The following BNC2 variants were observed in gnomAD, a reference collection of about 807,000 sequenced individuals.
BNC2 encodes basonuclin zinc finger protein 2.
A neutral mutation model predicts 76.3 loss-of-function variants in BNC2; 20 were observed. The ratio of observed to expected loss-of-function variants is 0.26; its 90% confidence interval spans 0.18 to 0.38. BNC2 has a LOEUF of 0.38. BNC2 is among the 10% of genes least tolerant of loss of function. BNC2 has a pLI of 1.00. For missense variants in BNC2, 1,382 were observed against 1,399.8 expected (o/e 0.99, Z 0.20); for synonymous variants, 582 against 514.8 (o/e 1.13, Z -1.77).
intron 3 of BNC2, among the ~76,000 whole-genome samples, chr9:16,623,870 G>C (rs778008675): frequency 2.6e-5 from 4 of 152,168 alleles, no homozygotes; most frequent in Admixed American, 2.0e-4. Context: ...TGTTACCTTA[G>C]AAACTGATGT....
At chr9:16,571,203 G>C (rs1224834527) in intron 4 of BNC2, among the ~76,000 whole-genome samples, 2 of 152,028 alleles carry the variant, frequency 1.3e-5, no homozygotes, top group African/African-American at 2.4e-5. Flanking sequence ...CTTAGTAAAA[G>C]GGCTTCTTAA....
intron 3 of BNC2, among the ~76,000 whole-genome samples, chr9:16,714,964 G>T (rs377583461): frequency 8.5e-5 from 13 of 152,232 alleles, no homozygotes; most frequent in African/African-American, 1.9e-4. Context: ...CTTGAAGCAG[G>T]TATAAAATAT....
intron 3 of BNC2, among the ~76,000 whole-genome samples, chr9:16,595,801 A>C (rs906674700): frequency 1.3e-5 from 2 of 152,172 alleles, no homozygotes; most frequent in African/African-American, 4.8e-5. Context: ...AAATGCTTCA[A>C]CATCACTGAG....
Position 16,493,117 on chromosome 9 carries a change from G to GTT in BNC2, c.670-55594_670-55593insAA, listed in dbSNP as rs376949329. Among the ~76,000 whole-genome samples, 200 of 152,084 alleles carry GTT rather than the reference G, an allele frequency of 1.3e-3. 1 individual carries two copies. Among genetic ancestry groups the GTT allele is most frequent in the African/African-American group, 4.4e-3 (183 of 41,482 alleles). On this transcript the variant is annotated intron_variant, in intron 5 of 6. Coordinates refer to ENST00000380672, the MANE Select transcript of BNC2 (RefSeq NM_017637.6). Reference sequence around the variant, plus strand: ...AATGATTAAGCCACTTTGTTTTCACGTAAGTCCTATTTCGAAGAAATAAAG... The same window carrying GTT: ...AATGATTAAGCCACTTTGTTTTCACGTTTAAGTCCTATTTCGAAGAAATAAAG...
chr9:16,720,992 A>C (rs1298517500), intron 3 of BNC2, among the ~76,000 whole-genome samples: 6 of 152,224 alleles, frequency 3.9e-5, no homozygotes, highest in African/African-American at 1.4e-4. Flanking sequence ...CCTACAGGGA[A>C]CGCACAAATT....
rs149122134 is a variant in BNC2 at position 16,674,586 on chromosome 9, C to T, written c.330+53211G>A. ...GTTTTTACTTGTCTTTGATATCAAA[C>T]TTTTATTTATGGATCTAATCGATGT... On this transcript the variant is annotated intron_variant, in intron 3 of 6. Transcript: ENST00000380672. 3.4e-3 allele frequency among the ~76,000 whole-genome samples: 514 copies of T among 152,248 alleles called. 2 individuals are homozygous for T. The highest frequency in any genetic ancestry group is 0.012 in the African/African-American group (487 of 41,536).
intron 6 of BNC2, among the ~76,000 whole-genome samples, chr9:16,432,196 T>C (rs1304763370): frequency 6.6e-6 from 1 of 152,206 alleles, no homozygotes; most frequent in Admixed American, 6.5e-5. Flanking sequence ...CACACACTCA[T>C]TTACAACTAT....
At position 16,465,559 on chromosome 9, in the gene BNC2, G is replaced by A. The variant is rs184775440; in HGVS notation, c.670-28035C>T. Among the ~76,000 whole-genome samples the A allele has an allele frequency of 4.0e-5, 6 of 151,794 alleles. No homozygotes were observed. In the East Asian group the frequency reaches 1.2e-3, roughly 29 times the overall value. On this transcript the variant is annotated intron_variant, in intron 5 of 6. Coordinates refer to ENST00000380672, the MANE Select transcript of BNC2 (RefSeq NM_017637.6). ...ACACCAGCCATAAAAACAATTATTG[G>A]GTCACAATTGTATACTGGTTGACTA...
At chr9:16,464,953 T>G (rs896093636) in intron 5 of BNC2, among the ~76,000 whole-genome samples, 1 of 152,170 alleles carries the variant, frequency 6.6e-6, no homozygotes, top group African/African-American at 2.4e-5. Context: ...CTATGGCCTT[T>G]CCAATGCTAA....
chr9:16,821,225 C>G (rs1586911045), intron 1 of BNC2, among the ~76,000 whole-genome samples: 2 of 137,112 alleles, frequency 1.5e-5, no homozygotes, highest in South Asian at 4.4e-4. Flanking sequence ...AAGAACAAAA[C>G]TCCGTCTCAA....
intron 5 of BNC2, among the ~76,000 whole-genome samples, chr9:16,545,450 A>C (rs1212257058): frequency 1.3e-5 from 2 of 152,206 alleles, no homozygotes; most frequent in Non-Finnish European, 2.9e-5. Context: ...CCTGTTTTAC[A>C]GGTGAGTGAA....
intron 1 of BNC2, among the ~76,000 whole-genome samples, chr9:16,744,577 GA>G (rs1167201209): frequency 2.0e-5 from 3 of 152,180 alleles, no homozygotes; most frequent in Admixed American, 2.0e-4. Context: ...CCTCCTGCTA[GA>G]TTTACTTTTA....
chr9:16,862,900 G>C (rs998116652), intron 1 of BNC2, among the ~76,000 whole-genome samples: 10 of 135,380 alleles, frequency 7.4e-5, no homozygotes, highest in African/African-American at 2.2e-4. Context: ...TCTATATATA[G>C]CTATATATAG....
intron 6 of BNC2, among the ~76,000 whole-genome samples, chr9:16,430,422 G>T (rs151150583): frequency 9.4e-4 from 143 of 152,308 alleles, no homozygotes; most frequent in African/African-American, 3.2e-3. Context: ...TTGGTGCTAA[G>T]TGGCTCATTT....
At chr9:16,678,264 T>TC (rs1245479800) in intron 3 of BNC2, among the ~76,000 whole-genome samples, 2 of 135,738 alleles carry the variant, frequency 1.5e-5, no homozygotes, top group Admixed American at 7.8e-5. Context: ...TTTCTTTCTT[T>TC]TTCTTTTTTT....
chr9:16,738,806 C>A (rs2135131948), intron 1 of BNC2, among the ~76,000 whole-genome samples: 1 of 150,430 alleles, frequency 6.6e-6, no homozygotes, highest in South Asian at 2.1e-4. Context: ...GAATACTAAT[C>A]ACCCCCACCC....
chr9:16,536,776 A>G (rs1818142714), intron 5 of BNC2, among the ~76,000 whole-genome samples: 1 of 152,160 alleles, frequency 6.6e-6, no homozygotes, highest in South Asian at 2.1e-4. Flanking sequence ...ATATTTTGGA[A>G]GGAAATAAGA....
At chr9:16,869,702 A>T (rs1468528265) in intron 1 of BNC2, among the ~76,000 whole-genome samples, 2 of 152,212 alleles carry the variant, frequency 1.3e-5, no homozygotes, top group African/African-American at 4.8e-5. Context: ...GAAAGCGGAC[A>T]GAGCGGCTCA....
intron 1 of BNC2, among the ~76,000 whole-genome samples, chr9:16,858,335 G>C (rs1819313252): frequency 6.6e-6 from 1 of 152,164 alleles, no homozygotes; most frequent in Non-Finnish European, 1.5e-5. Context: ...AGTAAAACCA[G>C]GGTGTTTCAC....
Sources: gnomAD v4.1 joint callset for allele counts (sites outside exome capture counted in the v4.1 genomes callset) on GRCh38, gnomAD v4.1.1 for gene constraint, MANE v1.5 for transcripts, NCBI Gene and HGNC (gene_info 2026-07-23, HGNC 2026-07-21) for gene names.